ZBTB20: variants seen among roughly 807,000 people sequenced by gnomAD.
The protein encoded by ZBTB20 is zinc finger and BTB domain-containing protein 20.
In ZBTB20, 9 loss-of-function variants were observed where a neutral mutation model predicts 56.9. The observed-to-expected ratio is 0.16, with a 90% CI of 0.10 to 0.28. ZBTB20 has a LOEUF of 0.28. ZBTB20 is among the 10% of genes least tolerant of loss of function. The probability of loss-of-function intolerance (pLI) is 1.00; values close to 1 mark genes in which losing one functional copy is unlikely to be tolerated. For synonymous variants in ZBTB20, 417 were observed against 420.7 expected (o/e 0.99, Z 0.11); for missense variants, 655 against 1,003.0 (o/e 0.65, Z 4.69).
chr3:114,713,511 C>G (rs896841946), intron 5 of ZBTB20, among the ~76,000 whole-genome samples: 31 of 152,120 alleles, frequency 2.0e-4, no homozygotes, highest in African/African-American at 7.5e-4. Context: ...GAGACAGTCC[C>G]CTGTGGTCTC....
intron 6 of ZBTB20, among the ~76,000 whole-genome samples, chr3:114,675,334 T>TTTTTTTTTTTTTTG (rs2061570704): frequency 9.0e-6 from 1 of 111,360 alleles, no homozygotes; most frequent in Non-Finnish European, 1.7e-5. Flanking sequence ...CTGTGTTTTT[T>TTTTTTTTTTTTTTG]TTGCTGGGCC....
intron 6 of ZBTB20, among the ~76,000 whole-genome samples, chr3:114,593,026 A>G (rs2055937347): frequency 6.6e-6 from 1 of 152,172 alleles, no homozygotes; most frequent in African/African-American, 2.4e-5. Flanking sequence ...GAAAAACTGA[A>G]AAGTGTATGT....
intron 6 of ZBTB20, chr3:114,519,033 A>ATT (rs1356224835): frequency 1.3e-5 from 2 of 152,150 alleles, no homozygotes; most frequent in African/African-American, 4.8e-5. Context: ...GATCCTCTGC[A>ATT]TATTTGGAAT....
At chr3:114,523,947 A>G (rs2046923243) in intron 6 of ZBTB20, among the ~76,000 whole-genome samples, 1 of 152,186 alleles carries the variant, frequency 6.6e-6, no homozygotes, top group Admixed American at 6.5e-5. Flanking sequence ...AGAGTCATAC[A>G]TTTGCTTGTG....
In ZBTB20 at chr3:114,339,930, T is replaced by C. The variant is rs1055913657; in HGVS notation, c.1805-504A>G. On this transcript the variant is annotated intron_variant, in intron 11 of 11. Transcript: ENST00000675478. This position sits in a 1 kb window ranked among gnomAD's most constrained non-coding sequence, Gnocchi z 4.2. The stretch of plus-strand genomic sequence containing the variant: ...GTTCCTTGGGGTAAGTCCCCACTTC[T>C]AGTAGTCTAAGAAATACACCTATGT... 2.6e-5 allele frequency among the ~76,000 whole-genome samples: 4 copies of C among 152,232 alleles called. No individual in the cohort carries two copies. Among genetic ancestry groups the C allele is most frequent in the African/African-American group, 9.6e-5 (4 of 41,476 alleles).
At chr3:114,791,317 A>G (rs927152317) in intron 5 of ZBTB20, among the ~76,000 whole-genome samples, 1 of 152,200 alleles carries the variant, frequency 6.6e-6, no homozygotes, top group Non-Finnish European at 1.5e-5. Flanking sequence ...TTAGCTTGAT[A>G]TAATCAGTTT....
intron 6 of ZBTB20, among the ~76,000 whole-genome samples, chr3:114,573,473 AAAAG>A (rs538294960): frequency 8.2e-4 from 125 of 151,524 alleles, no homozygotes; most frequent in African/African-American, 2.8e-3. Flanking sequence ...GAAAAAAAAA[AAAAG>A]AAAGAAAGAC....
At chr3:114,343,043 C>T (rs12491518) in intron 11 of ZBTB20, among the ~76,000 whole-genome samples, 7,751 of 151,266 alleles carry the variant, frequency 0.051, 247 homozygotes, top group South Asian at 0.08. Context: ...GGGTGTTGGG[C>T]GTGGTAAAAG....
chr3:114,364,548 T>C (rs984953578), intron 10 of ZBTB20, among the ~76,000 whole-genome samples: 3 of 152,328 alleles, frequency 2.0e-5, no homozygotes, highest in South Asian at 2.1e-4. Flanking sequence ...ATATGTTCGA[T>C]TGTCTTACTA....
chr3:114,484,248 C>A (rs2041863179), intron 7 of ZBTB20, among the ~76,000 whole-genome samples: 1 of 152,068 alleles, frequency 6.6e-6, no homozygotes, highest in South Asian at 2.1e-4. Context: ...CTCTAAGTTA[C>A]CTAAATTAGT....
At chr3:115,140,943 TTC>T (rs1477530397) in intron 1 of ZBTB20, among the ~76,000 whole-genome samples, 1 of 152,144 alleles carries the variant, frequency 6.6e-6, no homozygotes, top group South Asian at 2.1e-4. Context: ...TTGACTATAG[TTC>T]TGTTTACCTC....
chr3:115,125,530 C>T (rs1434925680), intron 1 of ZBTB20, among the ~76,000 whole-genome samples: 2 of 151,940 alleles, frequency 1.3e-5, no homozygotes, highest in Non-Finnish European at 2.9e-5. Context: ...AACAATGAAA[C>T]TCATAGAAGC....
At chr3:114,491,808 C>CA (rs2042785782) in intron 7 of ZBTB20, among the ~76,000 whole-genome samples, 1 of 152,146 alleles carries the variant, frequency 6.6e-6, no homozygotes, top group African/African-American at 2.4e-5. Flanking sequence ...TCCTTCATAG[C>CA]AAAACTTCTG....
At chr3:114,885,335 A>G (rs766292655) in intron 4 of ZBTB20, among the ~76,000 whole-genome samples, 5 of 152,084 alleles carry the variant, frequency 3.3e-5, no homozygotes, top group Non-Finnish European at 5.9e-5. Flanking sequence ...CAAGTCTTAT[A>G]ATTCAAACTT....
intron 6 of ZBTB20, among the ~76,000 whole-genome samples, chr3:114,595,909 A>G (rs2056276511): frequency 6.6e-6 from 1 of 152,246 alleles, no homozygotes; most frequent in African/African-American, 2.4e-5. Context: ...CCAATATGCT[A>G]TCATCTAGGG....
At chr3:115,065,017 A>C (rs1438599092) in intron 2 of ZBTB20, among the ~76,000 whole-genome samples, 1 of 152,098 alleles carries the variant, frequency 6.6e-6, no homozygotes, top group Non-Finnish European at 1.5e-5. Flanking sequence ...CTTTTATAAC[A>C]GTTTCCTCCC....
intron 5 of ZBTB20, among the ~76,000 whole-genome samples, chr3:114,754,676 G>A (rs567986541): frequency 1.1e-4 from 16 of 151,908 alleles, no homozygotes; most frequent in African/African-American, 3.6e-4. Context: ...TTTATCTCTA[G>A]TGCCCAGACT....
At chr3:115,128,436 G>A (rs1019949023) in intron 1 of ZBTB20, among the ~76,000 whole-genome samples, 22 of 152,096 alleles carry the variant, frequency 1.4e-4, no homozygotes, top group African/African-American at 4.6e-4. Flanking sequence ...GGCTGAAGCA[G>A]GTGGATCTTC....
intron 4 of ZBTB20, among the ~76,000 whole-genome samples, chr3:114,810,645 G>C (rs1364135990): frequency 6.6e-6 from 1 of 152,188 alleles, no homozygotes; most frequent in African/African-American, 2.4e-5. Context: ...ACTCCCAAAA[G>C]TATCCAGCTT....
Sources: gnomAD v4.1 joint callset for allele counts (sites outside exome capture counted in the v4.1 genomes callset) on GRCh38, gnomAD v4.1.1 for gene constraint, Gnocchi (gnomAD v3.1) non-coding constraint, MANE v1.5 for transcripts, NCBI Gene and HGNC (gene_info 2026-07-23, HGNC 2026-07-21) for gene names.